Variants in CRTAC1 observed in about 807,000 individuals in gnomAD.
The protein encoded by CRTAC1 is cartilage acidic protein 1, also known as acidic secreted protein in cartilage.
A neutral mutation model predicts 67.8 loss-of-function variants in CRTAC1; 37 were observed. That is an observed-to-expected ratio of 0.55 (90% CI 0.42 to 0.72). CRTAC1 has a LOEUF of 0.72. CRTAC1 is among the 30% of genes least tolerant of loss of function. CRTAC1 has a pLI of 0.00. For missense variants in CRTAC1, 780 were observed against 931.6 expected, an observed-to-expected ratio of 0.84 and a Z score of 2.12; for synonymous variants, 348 against 371.0, an observed-to-expected ratio of 0.94 and a Z score of 0.71.
At chr10:97,952,295 T>A (rs961304647) in intron 2 of CRTAC1, among the ~76,000 whole-genome samples, 2 of 151,402 alleles carry the variant, frequency 1.3e-5, no homozygotes, top group African/African-American at 4.9e-5. Context: ...GAGCTTGCAG[T>A]GAGCTGAAAT....
At chr10:97,989,987 C>A (rs1842413237) in intron 2 of CRTAC1, among the ~76,000 whole-genome samples, 1 of 152,178 alleles carries the variant, frequency 6.6e-6, no homozygotes, top group African/African-American at 2.4e-5. Flanking sequence ...TTTCAGTGAC[C>A]CTTCTCCGGC....
chr10:97,989,243 TAATA>T (rs1300989794), intron 2 of CRTAC1, among the ~76,000 whole-genome samples: 2 of 152,086 alleles, frequency 1.3e-5, no homozygotes, highest in Non-Finnish European at 2.9e-5. Flanking sequence ...CGATTCCTCA[TAATA>T]AATAAATCAA....
intron 2 of CRTAC1, among the ~76,000 whole-genome samples, chr10:97,996,785 G>C (rs1842580469): frequency 6.6e-6 from 1 of 152,120 alleles, no homozygotes. Context: ...ACATGCACAT[G>C]TATGTTTATT....
chr10:97,964,640 C>T (rs548538463), intron 2 of CRTAC1, among the ~76,000 whole-genome samples: 1 of 152,258 alleles, frequency 6.6e-6, no homozygotes, highest in Admixed American at 6.5e-5. Context: ...GAAGGCTTGC[C>T]GACCACACAG....
chr10:97,941,607 C>A (rs185417463), intron 2 of CRTAC1, among the ~76,000 whole-genome samples: 3 of 152,164 alleles, frequency 2.0e-5, no homozygotes, highest in Admixed American at 2.0e-4. Context: ...CAGGAACCTG[C>A]GTCAGACTTG....
intron 11 of CRTAC1, among the ~76,000 whole-genome samples, chr10:97,893,549 C>CA (rs892429381): frequency 6.6e-6 from 1 of 152,188 alleles, no homozygotes; most frequent in African/African-American, 2.4e-5. Flanking sequence ...CAATTCCCCC[C>CA]ATACATTTAT....
At chr10:97,944,030 GC>G (rs1172172203) in intron 2 of CRTAC1, among the ~76,000 whole-genome samples, 2 of 152,210 alleles carry the variant, frequency 1.3e-5, no homozygotes, top group African/African-American at 4.8e-5. Context: ...GTTTCCTGAA[GC>G]AAGTATTTCA....
chr10:98,030,570 T>A lies in CRTAC1; in HGVS notation c.-98A>T. The A allele has an allele frequency of 3.5e-6, 3 of 868,646 alleles. No individual in the cohort carries two copies. The highest frequency in any genetic ancestry group is 4.6e-6 in the Non-Finnish European group (3 of 653,234). 53.8% of individuals were successfully genotyped at this position (868,646 alleles called of 1,614,324 possible). A position where few individuals can be genotyped will look rare whatever the true frequency, so the allele number is the denominator to read the frequency against. On this transcript the variant is annotated 5_prime_UTR_variant, in exon 1 of 15. Coordinates refer to ENST00000370597, the MANE Select transcript of CRTAC1 (RefSeq NM_018058.7). This position sits in a 1 kb window ranked among gnomAD's most constrained non-coding sequence, Gnocchi z 4.2. ...GCCGCCTGCTTGCTCCCAGCCCCGGTCCCGGGCTGGCCTCGAGCCTCCCGC... is the reference window on the plus strand; with the variant it reads ...GCCGCCTGCTTGCTCCCAGCCCCGGACCCGGGCTGGCCTCGAGCCTCCCGC...
At chr10:98,007,250 G>A (rs1321221565) in intron 2 of CRTAC1, among the ~76,000 whole-genome samples, 3 of 152,144 alleles carry the variant, frequency 2.0e-5, no homozygotes, top group East Asian at 1.9e-4. Flanking sequence ...TGGAGCCTCC[G>A]AATACTATAG....
rs75582282 is a variant in CRTAC1, at chr10:97,923,795, C to T, written c.422-395G>A. ...AACCCAGGATGGCTCTTTCTCCAGGCGCTGTCCCTACATTCTCTACTGGAT... is the reference window on the plus strand; with the variant it reads ...AACCCAGGATGGCTCTTTCTCCAGGTGCTGTCCCTACATTCTCTACTGGAT... On this transcript the variant is annotated intron_variant, in intron 3 of 14. Coordinates refer to ENST00000370597, the MANE Select transcript of CRTAC1 (RefSeq NM_018058.7). Among the ~76,000 whole-genome samples the T allele has an allele frequency of 1.4e-3, 211 of 152,270 alleles. 1 individual carries two copies. Among genetic ancestry groups the T allele is most frequent in the African/African-American group, 4.8e-3 (199 of 41,554 alleles).
intron 7 of CRTAC1, among the ~76,000 whole-genome samples, chr10:97,904,315 C>A (rs1027148317): frequency 5.9e-5 from 9 of 152,220 alleles, no homozygotes; most frequent in Non-Finnish European, 1.2e-4. Context: ...GAGCCCTGCT[C>A]AGCCTGGTGG....
intron 2 of CRTAC1, among the ~76,000 whole-genome samples, chr10:97,972,024 C>T (rs2051722617): frequency 1.3e-5 from 2 of 152,114 alleles, no homozygotes; most frequent in South Asian, 4.1e-4. Flanking sequence ...GGGTCCCTCG[C>T]CCGGGAAACT....
chr10:97,986,032 A>T (rs1264846832), intron 2 of CRTAC1, among the ~76,000 whole-genome samples: 2 of 152,194 alleles, frequency 1.3e-5, no homozygotes, highest in African/African-American at 4.8e-5. Context: ...AATGCTGTTT[A>T]TGTAGGTTCT....
intron 6 of CRTAC1, among the ~76,000 whole-genome samples, chr10:97,907,528 C>G (rs865928300): frequency 3.1e-5 from 4 of 128,038 alleles, no homozygotes; most frequent in Non-Finnish European, 6.9e-5. Flanking sequence ...ACATCTGTTT[C>G]TAGAAAGTCA....
At chr10:97,933,125 C>T (rs2051026286) in intron 3 of CRTAC1, among the ~76,000 whole-genome samples, 1 of 152,252 alleles carries the variant, frequency 6.6e-6, no homozygotes, top group African/African-American at 2.4e-5. Flanking sequence ...TGGCAATGGC[C>T]AAGTGCCATG....
At chr10:97,873,871 CCT>C (rs1564871696) in intron 14 of CRTAC1, among the ~76,000 whole-genome samples, 1 of 152,210 alleles carries the variant, frequency 6.6e-6, no homozygotes, top group Non-Finnish European at 1.5e-5. Context: ...TGAACAGGCT[CCT>C]CTCTGCACTC....
At chr10:97,961,152 T>C (rs376945822) in intron 2 of CRTAC1, among the ~76,000 whole-genome samples, 119 of 152,304 alleles carry the variant, frequency 7.8e-4, no homozygotes, top group African/African-American at 2.8e-3. Flanking sequence ...TCACCTGCCT[T>C]AGGCTGGAGT....
intron 1 of CRTAC1, among the ~76,000 whole-genome samples, chr10:98,015,525 A>G (rs1051965655): frequency 6.6e-6 from 1 of 152,258 alleles, no homozygotes; most frequent in African/African-American, 2.4e-5. Flanking sequence ...GTATTTCATC[A>G]CAATAAAAAA....
At chr10:97,936,439 C>T (rs545134967) in intron 2 of CRTAC1, 73 bp from the exon 3 acceptor site, 29 of 1,311,798 alleles carry the variant, frequency 2.2e-5, no homozygotes, top group East Asian at 9.6e-5. Context: ...ACCAGAGCAA[C>T]GGGCTGGGAG....
Sources: gnomAD v4.1 joint callset for allele counts (sites outside exome capture counted in the v4.1 genomes callset) on GRCh38, gnomAD v4.1.1 for gene constraint, Gnocchi (gnomAD v3.1) non-coding constraint, MANE v1.5 for transcripts, NCBI Gene and HGNC (gene_info 2026-07-23, HGNC 2026-07-21) for gene names.